The following HSH2D variants were observed in gnomAD, a reference collection of about 807,000 sequenced individuals.
The protein encoded by HSH2D is hematopoietic SH2 domain-containing protein.
In HSH2D, 16 loss-of-function variants were observed where a neutral mutation model predicts 21.5. The observed-to-expected ratio is 0.74, with a 90% CI of 0.50 to 1.13. The LOEUF (loss-of-function observed/expected upper bound fraction) is 1.13, where lower values mean the gene tolerates loss of function less well. Ranked by LOEUF, HSH2D falls within the 50% of genes most tolerant of loss-of-function variation. The probability of loss-of-function intolerance (pLI) is 0.00; values close to 1 mark genes in which losing one functional copy is unlikely to be tolerated. For synonymous variants in HSH2D, 172 were observed against 184.7 expected (o/e 0.93, Z 0.56); for missense variants, 418 against 441.4 (o/e 0.95, Z 0.47).
chr19:16,152,404 C>T (rs1362147986), intron 2 of HSH2D, 148 bp from the exon 3 acceptor site: 23 of 439,624 alleles, frequency 5.2e-5, no homozygotes, highest in Non-Finnish European at 7.8e-5. Flanking sequence ...GGGGACAGAG[C>T]GAGACTCTGT....
intron 4 of HSH2D, among the ~76,000 whole-genome samples, 155 bp downstream of exon 4, chr19:16,153,363 C>A (rs973121614): frequency 2.6e-5 from 4 of 152,262 alleles, no homozygotes; most frequent in East Asian, 1.9e-4. Context: ...CTCTGCCCCC[C>A]ACAGCGGTCT....
At chr19:16,135,036 A>T (rs940577598) in intron 1 of HSH2D, among the ~76,000 whole-genome samples, 1 of 149,602 alleles carries the variant, frequency 6.7e-6, no homozygotes, top group Non-Finnish European at 1.5e-5. Flanking sequence ...TGGGAGGCCG[A>T]GGTGGGTGGT....
upstream of HSH2D, chr19:16,139,905 C>G (rs757258101): frequency 2.6e-5 from 4 of 152,222 alleles, no homozygotes; most frequent in African/African-American, 7.2e-5. Flanking sequence ...GGGCCGAGGC[C>G]TGCGGACACT....
intron 1 of HSH2D, among the ~76,000 whole-genome samples, chr19:16,148,459 A>AT (rs1456575554): frequency 5.9e-5 from 9 of 151,278 alleles, no homozygotes; most frequent in African/African-American, 1.5e-4. Context: ...AAATTTTTTA[A>AT]TTTTTTGTAG....
Position 16,154,488 on chromosome 19 carries a change from G to A in HSH2D, c.471G>A (p.Glu157=). Residue 157 remains glutamate (E), a synonymous_variant, in exon 5 of 6, where the codon GAG becomes GAA. Coordinates refer to ENST00000613986, the MANE Select transcript of HSH2D (RefSeq NM_001382417.1). ...CTGCCTGCCCGGTGTCTGCCCCTGAGGAGGTATGTATATGACAGGAGGCTG... is the reference window on the plus strand; with the variant it reads ...CTGCCTGCCCGGTGTCTGCCCCTGAAGAGGTATGTATATGACAGGAGGCTG... ...EEAACPVSAP[E]EASPKPVLCH... 1 of 1,550,056 alleles carries A rather than the reference G, an allele frequency of 6.5e-7. No homozygotes were observed. The highest frequency in any genetic ancestry group is 8.7e-7 in the Non-Finnish European group (1 of 1,145,566).
intron 1 of HSH2D, among the ~76,000 whole-genome samples, chr19:16,147,640 T>G (rs1034070266): frequency 4.0e-5 from 6 of 149,942 alleles, no homozygotes; most frequent in African/African-American, 1.2e-4. Context: ...TTTTTTTTTG[T>G]TTTGTTTTGT....
At chr19:16,137,425 C>T (rs889965172) in intron 1 of HSH2D, among the ~76,000 whole-genome samples, 8 of 152,008 alleles carry the variant, frequency 5.3e-5, no homozygotes, top group Admixed American at 3.3e-4. Flanking sequence ...GTCAGGAGTT[C>T]GAGACCAGCC....
intron 1 of HSH2D, among the ~76,000 whole-genome samples, chr19:16,144,525 C>A (rs1436987845): frequency 4.6e-5 from 7 of 151,392 alleles, no homozygotes; most frequent in African/African-American, 1.7e-4. Flanking sequence ...TCTATATATA[C>A]ACAGTGCTAG....
intron 1 of HSH2D, among the ~76,000 whole-genome samples, chr19:16,137,029 G>A (rs564338156): frequency 6.6e-6 from 1 of 152,054 alleles, no homozygotes; most frequent in Non-Finnish European, 1.5e-5. Flanking sequence ...CCTCACTCTT[G>A]TGTGTCCACG....
Position 16,143,772 on chromosome 19 carries a change from C to A in HSH2D, c.-30C>A. On this transcript the variant is annotated splice_region_variant and 5_prime_UTR_variant, in exon 1 of 6. Coordinates refer to ENST00000613986, the MANE Select transcript of HSH2D (RefSeq NM_001382417.1). Reference sequence around the variant, plus strand: ...GGGCCTCGGCCATCCAAGGGTCTCCCAGGTATGTGACCCAAGAGCCTCAGC... The same window carrying A: ...GGGCCTCGGCCATCCAAGGGTCTCCAAGGTATGTGACCCAAGAGCCTCAGC... 2.2e-6 allele frequency: 1 copy of A among 451,170 alleles called. No homozygotes were observed. The highest frequency in any genetic ancestry group is 1.6e-5 in the South Asian group (1 of 64,050). The allele number at this position is 451,170 out of a possible 1,614,324, so 27.9% of individuals were successfully genotyped here.
At chr19:16,141,757 C>G (rs560025492), upstream of HSH2D, among the ~76,000 whole-genome samples, 16 of 152,110 alleles carry the variant, frequency 1.1e-4, no homozygotes, top group African/African-American at 3.9e-4. Flanking sequence ...AACCTTGTCT[C>G]TACTAAAAAT....
upstream of HSH2D, among the ~76,000 whole-genome samples, chr19:16,139,020 A>G (rs1304790814): frequency 1.3e-5 from 2 of 151,062 alleles, no homozygotes; most frequent in African/African-American, 2.4e-5. Context: ...ACTACGCCCA[A>G]CTAATTTTTG....
At chr19:16,143,576 G>T (rs999572109), upstream of HSH2D, 9 of 292,502 alleles carry the variant, frequency 3.1e-5, no homozygotes, top group African/African-American at 1.8e-4. Context: ...TGTGGCACCA[G>T]ATGCTTTGTT....
upstream of HSH2D, chr19:16,139,921 G>C (rs2090988869): frequency 6.6e-6 from 1 of 152,234 alleles, no homozygotes; most frequent in African/African-American, 2.4e-5. Flanking sequence ...ACACTGAGGG[G>C]TGTGGGGGTG....
At chr19:16,145,216 A>G (rs1322718070) in intron 1 of HSH2D, among the ~76,000 whole-genome samples, 1 of 144,906 alleles carries the variant, frequency 6.9e-6, no homozygotes, top group Non-Finnish European at 1.5e-5. Flanking sequence ...TTTTTATTTC[A>G]TATTTATTTA....
At chr19:16,139,552 G>A (rs1263470719), upstream of HSH2D, among the ~76,000 whole-genome samples, 1 of 152,168 alleles carries the variant, frequency 6.6e-6, no homozygotes, top group African/African-American at 2.4e-5. Flanking sequence ...GTGCACTTCA[G>A]CCTGGGCAAC....
upstream of HSH2D, among the ~76,000 whole-genome samples, chr19:16,142,651 C>T (rs528106500): frequency 1.5e-4 from 23 of 152,012 alleles, no homozygotes; most frequent in Non-Finnish European, 2.6e-4. Flanking sequence ...TTAGTAGAGA[C>T]GGGATTTCTC....
intron 1 of HSH2D, among the ~76,000 whole-genome samples, chr19:16,146,189 C>T (rs921609455): frequency 6.6e-6 from 1 of 151,930 alleles, no homozygotes; most frequent in Non-Finnish European, 1.5e-5. Context: ...TTTTGCAAAA[C>T]GGTGCTGCTT....
intron 5 of HSH2D, among the ~76,000 whole-genome samples, chr19:16,155,185 C>T (rs1256228647): frequency 6.6e-6 from 1 of 152,080 alleles, no homozygotes; most frequent in Non-Finnish European, 1.5e-5. Context: ...AGTCTAAGTG[C>T]TCTCCAAGCC....
Sources: allele counts gnomAD v4.1 joint callset (sites outside exome capture counted in the v4.1 genomes callset), GRCh38; gene constraint gnomAD v4.1.1; transcripts MANE v1.5; gene names NCBI Gene and HGNC (gene_info 2026-07-23, HGNC 2026-07-21).